KCNMB2: variants seen among roughly 807,000 people sequenced by gnomAD.
KCNMB2 encodes calcium-activated potassium channel subunit beta-2.
In KCNMB2, 9 loss-of-function variants were observed where a neutral mutation model predicts 24.5. The observed-to-expected ratio is 0.37, with a 90% CI of 0.22 to 0.64. The LOEUF (loss-of-function observed/expected upper bound fraction) is 0.64, where lower values mean the gene tolerates loss of function less well. Ranked by LOEUF, KCNMB2 falls within the 30% of genes least tolerant of loss-of-function variation. The pLI is 0.63. For synonymous variants in KCNMB2, 109 were observed against 104.4 expected (o/e 1.04, Z -0.27); for missense variants, 226 against 284.3 (o/e 0.79, Z 1.47).
At chr3:178,688,162 TAAAG>T (rs1321464215) in intron 1 of KCNMB2, among the ~76,000 whole-genome samples, 1 of 152,170 alleles carries the variant, frequency 6.6e-6, no homozygotes, top group Non-Finnish European at 1.5e-5. Flanking sequence ...TTTGAAAAGA[TAAAG>T]AAACTAATGA....
chr3:178,608,245 TATA>T (rs1341173043), intron 1 of KCNMB2, among the ~76,000 whole-genome samples: 1 of 152,256 alleles, frequency 6.6e-6, no homozygotes, highest in African/African-American at 2.4e-5. Context: ...AAGAGCATTT[TATA>T]ATTTTACCCA....
intron 1 of KCNMB2, among the ~76,000 whole-genome samples, chr3:178,655,095 C>CCCCTCTCTCTCTCT (rs1720276445): frequency 9.0e-6 from 1 of 111,086 alleles, no homozygotes; most frequent in Non-Finnish European, 1.8e-5. Context: ...ATTAGCTCTC[C>CCCCTCTCTCTCTCT]CTCTCTCTCT....
At chr3:178,809,530 G>A (rs1714103660) in intron 2 of KCNMB2, among the ~76,000 whole-genome samples, 1 of 152,166 alleles carries the variant, frequency 6.6e-6, no homozygotes, top group Non-Finnish European at 1.5e-5. Context: ...AGCCAGTGAT[G>A]GAATCAGGAT....
chr3:178,781,147 T>C (rs985144009), intron 1 of KCNMB2, among the ~76,000 whole-genome samples: 1 of 152,008 alleles, frequency 6.6e-6, no homozygotes, highest in Non-Finnish European at 1.5e-5. Flanking sequence ...TTAGAATTAA[T>C]TTTTCCTATT....
At chr3:178,543,526 C>T (rs1319338764) in intron 1 of KCNMB2, among the ~76,000 whole-genome samples, 1 of 152,178 alleles carries the variant, frequency 6.6e-6, no homozygotes, top group Non-Finnish European at 1.5e-5. Context: ...ATTTTTGAAT[C>T]CAAAGGGTGT....
At chr3:178,666,488 A>T (rs1720722471) in intron 1 of KCNMB2, among the ~76,000 whole-genome samples, 3 of 152,132 alleles carry the variant, frequency 2.0e-5, no homozygotes, top group African/African-American at 7.2e-5. Context: ...AATCCAGAGG[A>T]AGGGTGTACA....
intron 1 of KCNMB2, among the ~76,000 whole-genome samples, chr3:178,760,024 C>A (rs867825451): frequency 0.048 from 115 of 2,378 alleles, 2 homozygotes; most frequent in Non-Finnish European, 0.059. Flanking sequence ...GAGGATATAT[C>A]TATATATATA....
At chr3:178,744,980 TGTGTGACAGGAAGATGTTAATAA>T (rs1478465196) in intron 1 of KCNMB2, among the ~76,000 whole-genome samples, 1 of 152,188 alleles carries the variant, frequency 6.6e-6, no homozygotes, top group Non-Finnish European at 1.5e-5. Flanking sequence ...ACCTACTACC[TGTGTGACAGGAAGATGTTAATAA>T]ACCTGTATGT....
intron 1 of KCNMB2, among the ~76,000 whole-genome samples, chr3:178,764,817 A>G (rs893287234): frequency 1.3e-5 from 2 of 152,208 alleles, no homozygotes; most frequent in Non-Finnish European, 2.9e-5. Flanking sequence ...GTCCAAAAAT[A>G]AAATAAAATA....
intron 1 of KCNMB2, among the ~76,000 whole-genome samples, chr3:178,762,572 T>A (rs1711946640): frequency 6.6e-6 from 1 of 151,838 alleles, no homozygotes; most frequent in African/African-American, 2.4e-5. Context: ...TGCTGCAGGG[T>A]GTAGAATGTA....
At chr3:178,635,031 G>C (rs1285793510) in intron 1 of KCNMB2, among the ~76,000 whole-genome samples, 1 of 152,060 alleles carries the variant, frequency 6.6e-6, no homozygotes, top group Non-Finnish European at 1.5e-5. Flanking sequence ...TGATGGAAGG[G>C]AATTGAATTC....
At chr3:178,549,150 A>C (rs1282889014) in intron 1 of KCNMB2, among the ~76,000 whole-genome samples, 2 of 152,166 alleles carry the variant, frequency 1.3e-5, no homozygotes, top group Admixed American at 6.5e-5. Flanking sequence ...CACTTTACAA[A>C]TATTGCCCAC....
intron 1 of KCNMB2, among the ~76,000 whole-genome samples, chr3:178,638,622 G>T (rs1483158656): frequency 2.0e-5 from 3 of 152,198 alleles, no homozygotes; most frequent in African/African-American, 7.2e-5. Flanking sequence ...TGACAAGAAT[G>T]TAAGCTTAAA....
chr3:178,640,971 T>C (rs1266320467), intron 1 of KCNMB2, among the ~76,000 whole-genome samples: 1 of 152,224 alleles, frequency 6.6e-6, no homozygotes, highest in Non-Finnish European at 1.5e-5. Context: ...CTCCATTGAA[T>C]TGTCTGTGTT....
At chr3:178,715,365 G>GTT (rs768377401) in intron 1 of KCNMB2, among the ~76,000 whole-genome samples, 122 of 132,316 alleles carry the variant, frequency 9.2e-4, no homozygotes, top group African/African-American at 2.9e-3. Flanking sequence ...TTGTTTTTTG[G>GTT]TTTTTTTTTT....
chr3:178,804,077 A>G (rs974868050), intron 1 of KCNMB2, among the ~76,000 whole-genome samples: 1 of 152,206 alleles, frequency 6.6e-6, no homozygotes, highest in Non-Finnish European at 1.5e-5. Context: ...CTCACTGCCC[A>G]CAGCTCTGTT....
intron 1 of KCNMB2, among the ~76,000 whole-genome samples, chr3:178,730,614 A>T (rs1723118275): frequency 1.3e-5 from 2 of 152,200 alleles, no homozygotes; most frequent in Admixed American, 1.3e-4. Context: ...TCAAACAATG[A>T]AATGGGAACT....
In KCNMB2 at chr3:178,768,384, CCCT is replaced by C. The variant is rs376417883; in HGVS notation, c.-67-38957_-67-38955del. Among the ~76,000 whole-genome samples the C allele has an allele frequency of 3.4e-4, 52 of 152,044 alleles. 1 individual carries two copies. The South Asian group carries it at 0.011, about 31-fold the overall frequency. On this transcript the variant is annotated intron_variant, in intron 1 of 4. Transcript: ENST00000452583. ...ACTCTCCATCTAACAAATTGCAGCGCCCTCAAGTATTTTAAAGCATCAGAGCAA... is the reference window on the plus strand; with the variant it reads ...ACTCTCCATCTAACAAATTGCAGCGCCAAGTATTTTAAAGCATCAGAGCAA...
intron 1 of KCNMB2, among the ~76,000 whole-genome samples, chr3:178,766,498 A>G (rs773637473): frequency 2.0e-5 from 3 of 152,084 alleles, no homozygotes; most frequent in Non-Finnish European, 4.4e-5. Flanking sequence ...TCAGCCCACA[A>G]ATATTTTTCA....
Sources: gnomAD v4.1 joint callset for allele counts (sites outside exome capture counted in the v4.1 genomes callset) on GRCh38, gnomAD v4.1.1 for gene constraint, MANE v1.5 for transcripts, NCBI Gene and HGNC (gene_info 2026-07-23, HGNC 2026-07-21) for gene names.